ACSS3: variants seen among roughly 807,000 people sequenced by gnomAD.
ACSS3 encodes the protein acyl-CoA synthetase short-chain family member 3, mitochondrial.
In ACSS3, 64 loss-of-function variants were observed where a neutral mutation model predicts 84.2. The ratio of observed to expected loss-of-function variants is 0.76; its 90% CI spans 0.62 to 0.94. The LOEUF (loss-of-function observed/expected upper bound fraction) is 0.94. Ranked by LOEUF, ACSS3 falls within the 40% of genes least tolerant of loss-of-function variation. ACSS3 has a pLI of 0.00. For missense variants in ACSS3, 815 were observed against 867.6 expected (o/e 0.94, Z 0.76); for synonymous variants, 317 against 310.1 (o/e 1.02, Z -0.23).
Position 81,259,041 on chromosome 12 carries a change from T to C in ACSS3, c.*4119T>C, listed in dbSNP as rs2034545866. The C allele has an allele frequency of 6.1e-6, 1 of 162,910 alleles. No individual in the cohort carries two copies. The highest frequency in any genetic ancestry group is 1.3e-5 in the Non-Finnish European group (1 of 75,492). 10.1% of individuals were successfully genotyped at this position (162,910 alleles called of 1,614,324 possible). ...GGACATCCCTGATTGCCTTTAAAGC[T>C]CTATTTTTGGCTCCGGTTCCAGGTT... On this transcript the variant is annotated 3_prime_UTR_variant, in exon 16 of 16. Transcript: ENST00000548058.
intron 11 of ACSS3, among the ~76,000 whole-genome samples, chr12:81,227,873 T>G (rs2033322741): frequency 6.6e-6 from 1 of 151,840 alleles, no homozygotes; most frequent in Non-Finnish European, 1.5e-5. Flanking sequence ...TAGTTTTATC[T>G]CTTTTATTTC....
chr12:81,163,869 T>C (rs1224863800), intron 7 of ACSS3, among the ~76,000 whole-genome samples: 2 of 152,212 alleles, frequency 1.3e-5, no homozygotes, highest in African/African-American at 4.8e-5. Flanking sequence ...GTGTTTGTCT[T>C]TTAAGCTGTC....
chr12:81,181,689 A>AAT (rs1442595720), intron 8 of ACSS3, among the ~76,000 whole-genome samples: 1 of 151,258 alleles, frequency 6.6e-6, no homozygotes, highest in East Asian at 2.0e-4. Flanking sequence ...TCAACAAAGA[A>AAT]ATATATATCA....
intron 13 of ACSS3, among the ~76,000 whole-genome samples, chr12:81,236,512 A>C (rs987565711): frequency 6.6e-6 from 1 of 151,110 alleles, no homozygotes; most frequent in African/African-American, 2.4e-5. Flanking sequence ...ATTATGTTTC[A>C]TGTGGGTTTC....
intron 2 of ACSS3, among the ~76,000 whole-genome samples, chr12:81,133,794 A>G (rs1314529858): frequency 6.6e-6 from 1 of 152,100 alleles, no homozygotes; most frequent in Non-Finnish European, 1.5e-5. Flanking sequence ...TGCAGGGTAG[A>G]GATTATTGTC....
chr12:81,179,695 C>G (rs940520292), intron 8 of ACSS3, among the ~76,000 whole-genome samples: 1 of 145,586 alleles, frequency 6.9e-6, no homozygotes, highest in Non-Finnish European at 1.5e-5. Flanking sequence ...GGCGTGAACC[C>G]GGGAGGTGGA....
chr12:81,151,410 A>T (rs1406513019), intron 5 of ACSS3, among the ~76,000 whole-genome samples: 1 of 152,186 alleles, frequency 6.6e-6, no homozygotes, highest in African/African-American at 2.4e-5. Context: ...AGCAGCTATT[A>T]TTATTTAATC....
chr12:81,093,705 T>TGGAG, intron 1 of ACSS3, among the ~76,000 whole-genome samples: 1 of 152,062 alleles, frequency 6.6e-6, no homozygotes, highest in African/African-American at 2.4e-5. Flanking sequence ...TAATAACATC[T>TGGAG]TACATAACTA....
intron 2 of ACSS3, among the ~76,000 whole-genome samples, chr12:81,111,473 AGTTTC>A (rs1883582698): frequency 6.6e-6 from 1 of 152,182 alleles, no homozygotes; most frequent in Non-Finnish European, 1.5e-5. Flanking sequence ...AAAAGCATGC[AGTTTC>A]TATAGCATCT....
intron 8 of ACSS3, among the ~76,000 whole-genome samples, chr12:81,198,534 AAC>A (rs139672244): frequency 2.7e-5 from 4 of 150,694 alleles, no homozygotes; most frequent in Non-Finnish European, 3.0e-5. Context: ...TAACTCTTTG[AAC>A]ACACACACAC....
At chr12:81,184,383 T>G (rs1433114004) in intron 8 of ACSS3, among the ~76,000 whole-genome samples, 1 of 151,708 alleles carries the variant, frequency 6.6e-6, no homozygotes, top group East Asian at 1.9e-4. Flanking sequence ...CCTCAAGGAA[T>G]GCAAAACGAA....
At chr12:81,139,802 A>AT (rs543911701) in intron 4 of ACSS3, among the ~76,000 whole-genome samples, 14 of 151,400 alleles carry the variant, frequency 9.2e-5, no homozygotes, top group Non-Finnish European at 1.8e-4. Flanking sequence ...CACCCGGCTA[A>AT]TTTTTTGTAT....
chr12:81,245,923 GTTC>G (rs1565742452), intron 13 of ACSS3, among the ~76,000 whole-genome samples: 1 of 152,084 alleles, frequency 6.6e-6, no homozygotes, highest in Non-Finnish European at 1.5e-5. Flanking sequence ...CTCCTTTGCT[GTTC>G]TTATGGGTAA....
At position 81,211,139 on chromosome 12, in the gene ACSS3, TG is replaced by T. The variant is rs201263695; in HGVS notation, c.1355-5761del. The stretch of plus-strand genomic sequence containing the variant: ...TGCACCACCATACTTGGCTAATTTT[TG>T]TATTTTGTATTTTGTGTTTTTGTAA... On this transcript the variant is annotated intron_variant, in intron 9 of 15. Transcript: ENST00000548058. Among the ~76,000 whole-genome samples, 16 of 152,066 alleles carry T rather than the reference TG, an allele frequency of 1.1e-4. No individual in the cohort carries two copies. In the East Asian group the frequency reaches 3.1e-3, roughly 30 times the overall value.
At chr12:81,167,219 C>T (rs1276627219) in intron 7 of ACSS3, among the ~76,000 whole-genome samples, 1 of 152,120 alleles carries the variant, frequency 6.6e-6, no homozygotes, top group East Asian at 1.9e-4. Flanking sequence ...ATTAGATAGA[C>T]TCTTATCTGC....
At chr12:81,100,304 G>C (rs1045453109) in intron 1 of ACSS3, among the ~76,000 whole-genome samples, 10 of 146,324 alleles carry the variant, frequency 6.8e-5, no homozygotes, top group African/African-American at 2.5e-4. Context: ...GTGATTATAG[G>C]AGAAAATAGA....
chr12:81,190,149 C>T (rs2031491026), intron 8 of ACSS3, among the ~76,000 whole-genome samples: 1 of 152,024 alleles, frequency 6.6e-6, no homozygotes, highest in African/African-American at 2.4e-5. Context: ...ATTCTTGGCT[C>T]GTTTTATTTC....
At chr12:81,227,853 C>T (rs1304283512) in intron 11 of ACSS3, among the ~76,000 whole-genome samples, 1 of 151,704 alleles carries the variant, frequency 6.6e-6, no homozygotes, top group Non-Finnish European at 1.5e-5. Context: ...ATTCTGGGAC[C>T]TCATTCTTTT....
At chr12:81,138,292 C>G (rs1885914624) in intron 3 of ACSS3, among the ~76,000 whole-genome samples, 1 of 152,132 alleles carries the variant, frequency 6.6e-6, no homozygotes, top group African/African-American at 2.4e-5. Context: ...TCATGACATG[C>G]CAAGCACTGT....
Sources: gnomAD v4.1 joint callset for allele counts (sites outside exome capture counted in the v4.1 genomes callset) on GRCh38, gnomAD v4.1.1 for gene constraint, MANE v1.5 for transcripts, NCBI Gene and HGNC (gene_info 2026-07-23, HGNC 2026-07-21) for gene names.